NFU1: variants seen among roughly 807,000 people sequenced by gnomAD.
NFU1 encodes NFU1 iron-sulfur cluster scaffold, also known as NFU1 iron-sulfur cluster scaffold homolog, mitochondrial.
In NFU1, 30 loss-of-function variants were observed where a neutral mutation model predicts 32.2. The observed-to-expected ratio is 0.93, with a 90% CI of 0.70 to 1.26. NFU1 has a LOEUF of 1.26. NFU1 is among the 50% of genes most tolerant of loss of function. The pLI is 0.00. For synonymous variants in NFU1, 112 were observed against 104.6 expected, an observed-to-expected ratio of 1.07 and a Z score of -0.43; for missense variants, 306 against 306.6, an observed-to-expected ratio of 1.00 and a Z score of 0.02.
intron 4 of NFU1, among the ~76,000 whole-genome samples, chr2:69,417,804 T>C (rs914575432): frequency 8.2e-5 from 12 of 146,128 alleles, no homozygotes; most frequent in Non-Finnish European, 1.5e-4. Flanking sequence ...AACTAAATAA[T>C]GAAAGTAAGA....
upstream of NFU1, among the ~76,000 whole-genome samples, chr2:69,439,566 C>A (rs1673994896): frequency 6.6e-6 from 1 of 152,224 alleles, no homozygotes. Flanking sequence ...AAGCAGGTTG[C>A]CACTGCTGCC....
At position 69,396,294 on chromosome 2, in the gene NFU1, A is replaced by C; in HGVS notation, c.721-4T>G. On this transcript the variant is annotated splice_polypyrimidine_tract_variant and splice_region_variant and intron_variant, in intron 7 of 7. Transcript: ENST00000410022. ...CATCTGATTCATCATCCATAACCTAAAACCAAAAAACAAAGACAATTTAAG... is the reference window on the plus strand; with the variant it reads ...CATCTGATTCATCATCCATAACCTACAACCAAAAAACAAAGACAATTTAAG... 1 of 1,588,582 alleles carries C rather than the reference A, an allele frequency of 6.3e-7. No homozygotes were observed. Among genetic ancestry groups the C allele is most frequent in the East Asian group, 2.2e-5 (1 of 44,684 alleles).
At chr2:69,429,443 T>C (rs1206232084) in intron 2 of NFU1, among the ~76,000 whole-genome samples, 1 of 151,602 alleles carries the variant, frequency 6.6e-6, no homozygotes, top group African/African-American at 2.4e-5. Flanking sequence ...TGCCTATAAT[T>C]CCAGCTACAT....
At chr2:69,414,209 C>T (rs1672979398) in intron 5 of NFU1, among the ~76,000 whole-genome samples, 1 of 152,226 alleles carries the variant, frequency 6.6e-6, no homozygotes, top group Middle Eastern at 3.4e-3. Context: ...ATATCTTATT[C>T]CTATAATGAA....
chr2:69,416,197 A>G (rs1340988869), intron 4 of NFU1: 1 of 151,108 alleles, frequency 6.6e-6, no homozygotes, highest in Non-Finnish European at 1.5e-5. Context: ...TGGAGAATAT[A>G]TATTAGCTCC....
At chr2:69,436,033 C>A (rs971406545) in intron 1 of NFU1, among the ~76,000 whole-genome samples, 65 of 152,134 alleles carry the variant, frequency 4.3e-4, no homozygotes, top group Middle Eastern at 3.4e-3. Flanking sequence ...CGTGAGCCAC[C>A]ACGCCCGGCA....
chr2:69,410,474 T>C (rs1032839744), intron 5 of NFU1, among the ~76,000 whole-genome samples: 1 of 152,242 alleles, frequency 6.6e-6, no homozygotes, highest in Non-Finnish European at 1.5e-5. Flanking sequence ...AAAGTTCTTA[T>C]CTATCTCTGC....
intron 3 of NFU1, among the ~76,000 whole-genome samples, chr2:69,421,645 G>A (rs1331256275): frequency 7.5e-6 from 1 of 132,848 alleles, no homozygotes; most frequent in Non-Finnish European, 1.5e-5. Flanking sequence ...TCGGCTCACT[G>A]CAAGCTCTGC....
upstream of NFU1, among the ~76,000 whole-genome samples, chr2:69,439,166 A>C (rs1415149124): frequency 6.6e-6 from 1 of 151,394 alleles, no homozygotes; most frequent in African/African-American, 2.4e-5. Context: ...TTCACTTCCC[A>C]CTCCTCAAAC....
intron 3 of NFU1, 101 bp downstream of exon 3, chr2:69,423,481 A>G: frequency 2.9e-6 from 3 of 1,034,800 alleles, no homozygotes; most frequent in Non-Finnish European, 4.3e-6. Flanking sequence ...AAAAAAATGC[A>G]GTGCACATAG....
upstream of NFU1, among the ~76,000 whole-genome samples, chr2:69,438,473 G>A (rs1192372006): frequency 2.0e-5 from 3 of 152,138 alleles, no homozygotes; most frequent in East Asian, 5.8e-4. Flanking sequence ...TCCCTGTGTT[G>A]CCTGGGCTGC....
upstream of NFU1, among the ~76,000 whole-genome samples, chr2:69,438,635 G>A (rs985750099): frequency 5.3e-5 from 8 of 152,072 alleles, no homozygotes; most frequent in Non-Finnish European, 1.0e-4. Flanking sequence ...GAAGACAGAG[G>A]ACTGGTTTCC....
chr2:69,421,334 C>A (rs1008634595), intron 3 of NFU1, among the ~76,000 whole-genome samples: 15 of 151,710 alleles, frequency 9.9e-5, no homozygotes, highest in African/African-American at 3.6e-4. Context: ...AAAAACGATT[C>A]CAGAGCTTAG....
chr2:69,422,387 G>A (rs966211376), intron 3 of NFU1, among the ~76,000 whole-genome samples: 3 of 152,010 alleles, frequency 2.0e-5, no homozygotes, highest in Non-Finnish European at 4.4e-5. Flanking sequence ...AGATAAGGGG[G>A]GACTACTGGT....
At position 69,412,491 on chromosome 2, in the gene NFU1, A is replaced by G. The variant is rs567718123; in HGVS notation, c.484+2694T>C. On this transcript the variant is annotated intron_variant, in intron 5 of 7. Transcript: ENST00000410022. Reference sequence around the variant, plus strand: ...AACCTCCGCCTCCCAGATTCAAGCAATTCTTCTGCCCCAGCCTCCCGAGTA... The same window carrying G: ...AACCTCCGCCTCCCAGATTCAAGCAGTTCTTCTGCCCCAGCCTCCCGAGTA... 4.7e-3 allele frequency among the ~76,000 whole-genome samples: 708 copies of G among 151,740 alleles called. 3 individuals are homozygous for G. The highest frequency in any genetic ancestry group is 0.017 in the African/African-American group (684 of 41,348).
chr2:69,415,525 G>A (rs186566906), intron 4 of NFU1, among the ~76,000 whole-genome samples: 2 of 151,958 alleles, frequency 1.3e-5, no homozygotes, highest in African/African-American at 2.4e-5. Context: ...GACTACAGGT[G>A]TGTGCCTTGA....
intron 5 of NFU1, among the ~76,000 whole-genome samples, chr2:69,412,841 G>C (rs945804791): frequency 3.0e-5 from 4 of 131,286 alleles, no homozygotes; most frequent in African/African-American, 9.3e-5. Context: ...TTGGGTGACA[G>C]AGCAGGTCAC....
At chr2:69,437,592 C>T (rs1558860058), upstream of NFU1, 2 of 793,774 alleles carry the variant, frequency 2.5e-6, no homozygotes, top group Admixed American at 2.0e-5. Context: ...CAGGCTACTG[C>T]GTCACCCTGA....
At chr2:69,429,243 C>T (rs1187846475) in intron 2 of NFU1, among the ~76,000 whole-genome samples, 1 of 152,154 alleles carries the variant, frequency 6.6e-6, no homozygotes, top group Non-Finnish European at 1.5e-5. Flanking sequence ...AATCTGCACA[C>T]AGTACTCTAC....
Sources: gnomAD v4.1 joint callset for allele counts (sites outside exome capture counted in the v4.1 genomes callset) on GRCh38, gnomAD v4.1.1 for gene constraint, MANE v1.5 for transcripts, NCBI Gene and HGNC (gene_info 2026-07-23, HGNC 2026-07-21) for gene names.